The following MYRFL variants were observed in gnomAD, a reference collection of about 807,000 sequenced individuals.
MYRFL encodes the protein myelin regulatory factor like.
MYRFL carries 88 observed loss-of-function variants against 109.4 expected under a neutral mutation model. The ratio of observed to expected loss-of-function variants is 0.80; its 90% CI spans 0.68 to 0.96. The LOEUF is 0.96. MYRFL is among the 40% of genes least tolerant of loss of function. The pLI, the probability that MYRFL is intolerant of heterozygous loss-of-function variation, is 0.00. For missense variants in MYRFL, 957 were observed against 954.9 expected (o/e 1.00, Z -0.03); for synonymous variants, 324 against 320.9 (o/e 1.01, Z -0.10).
chr12:69,880,645 T>C (rs1432436997), intron 5 of MYRFL, among the ~76,000 whole-genome samples: 1 of 152,226 alleles, frequency 6.6e-6, no homozygotes, highest in East Asian at 1.9e-4. Context: ...GCTGCAATCC[T>C]TCTCAACCTT....
intron 13 of MYRFL, among the ~76,000 whole-genome samples, chr12:69,920,115 TGA>T (rs1433222652): frequency 6.6e-6 from 1 of 152,078 alleles, no homozygotes; most frequent in Admixed American, 6.5e-5. Flanking sequence ...GTGGGTGAGG[TGA>T]GAGGGAACTC....
intron 2 of MYRFL, among the ~76,000 whole-genome samples, chr12:69,876,303 A>C (rs1176846564): frequency 1.3e-5 from 2 of 152,130 alleles, no homozygotes; most frequent in Non-Finnish European, 2.9e-5. Flanking sequence ...ACCTTCTCCA[A>C]GTTTCAGTGC....
intron 5 of MYRFL, among the ~76,000 whole-genome samples, chr12:69,883,736 T>C (rs1237611744): frequency 6.8e-6 from 1 of 147,906 alleles, no homozygotes; most frequent in African/African-American, 2.5e-5. Flanking sequence ...AATTAGCCGA[T>C]GTGGTGGCAC....
At chr12:69,841,199 C>T (rs1883223705) in intron 1 of MYRFL, among the ~76,000 whole-genome samples, 1 of 152,158 alleles carries the variant, frequency 6.6e-6, no homozygotes, top group South Asian at 2.1e-4. Context: ...CAGAAGAGTA[C>T]ATGGCCCCAT....
At chr12:69,836,827 C>G (rs772027612) in intron 1 of MYRFL, among the ~76,000 whole-genome samples, 5 of 152,156 alleles carry the variant, frequency 3.3e-5, no homozygotes, top group Non-Finnish European at 7.3e-5. Flanking sequence ...TGCTCAGGAC[C>G]TGTCCTCCCC....
rs1956011207 is a variant in MYRFL at position 69,952,782 on chromosome 12, A to G, written c.2288-17A>G. On this transcript the variant is annotated splice_polypyrimidine_tract_variant and intron_variant, in intron 20 of 24. Coordinates refer to ENST00000552032, the MANE Select transcript of MYRFL (RefSeq NM_182530.3). ...TCAGAAGAGTTTATTTACTTTGTCT[A>G]TTTCTTCTCAATTCAGGGATTGATA... 1.3e-6 allele frequency: 2 copies of G among 1,485,036 alleles called. No individual in the cohort carries two copies. Among genetic ancestry groups the G allele is most frequent in the East Asian group, 2.5e-5 (1 of 40,206 alleles). The allele number at this position is 1,485,036 out of a possible 1,614,324, so 92.0% of individuals were successfully genotyped here. A position where few individuals can be genotyped will look rare whatever the true frequency, so the allele number is the denominator to read the frequency against.
chr12:69,893,450 G>A (rs1390135095), intron 7 of MYRFL, among the ~76,000 whole-genome samples: 1 of 152,140 alleles, frequency 6.6e-6, no homozygotes, highest in Non-Finnish European at 1.5e-5. Context: ...TAGAATGAAT[G>A]AATAAATAAG....
intron 1 of MYRFL, among the ~76,000 whole-genome samples, chr12:69,853,213 C>A (rs1038121138): frequency 8.6e-5 from 13 of 150,742 alleles, no homozygotes; most frequent in African/African-American, 3.2e-4. Flanking sequence ...CGGGCAGGGG[C>A]TGCCCCCTAC....
intron 19 of MYRFL, among the ~76,000 whole-genome samples, chr12:69,942,735 G>C (rs1040953952): frequency 3.5e-4 from 53 of 152,070 alleles, no homozygotes; most frequent in African/African-American, 1.2e-3. Flanking sequence ...AGGAAAAGAG[G>C]AAGTCAAATT....
chr12:69,908,395 A>G (rs1954445422), intron 11 of MYRFL, among the ~76,000 whole-genome samples: 1 of 152,238 alleles, frequency 6.6e-6, no homozygotes. Context: ...TTGGAGGTCA[A>G]GAGATCCTTC....
At chr12:69,893,156 G>T (rs376204919) in intron 7 of MYRFL, among the ~76,000 whole-genome samples, 1 of 152,158 alleles carries the variant, frequency 6.6e-6, no homozygotes, top group Non-Finnish European at 1.5e-5. Context: ...GCCACCAGTT[G>T]CTTTCTAGAA....
chr12:69,834,273 G>C (rs1327092640), intron 1 of MYRFL, among the ~76,000 whole-genome samples: 1 of 152,194 alleles, frequency 6.6e-6, no homozygotes, highest in Non-Finnish European at 1.5e-5. Context: ...GCAATAAGAA[G>C]TAATGTGTTC....
chr12:69,910,013 T>A lies in MYRFL; in HGVS notation c.1428T>A (p.Ile476=). 1 of 1,534,972 alleles carries A rather than the reference T, an allele frequency of 6.5e-7. No homozygotes were observed. The highest frequency in any genetic ancestry group is 8.7e-7 in the Non-Finnish European group (1 of 1,146,512). ...EQLKRIAQMR[I]VEYDYKPEFA... is the part of the protein sequence containing the mutation. Reference sequence around the variant, plus strand: ...TGAAAAGAATAGCCCAAATGAGAATTGTTGAATATGACTACAAACCTGAAT... The same window carrying A: ...TGAAAAGAATAGCCCAAATGAGAATAGTTGAATATGACTACAAACCTGAAT... The change falls in exon 12 of 25, where the codon ATT becomes ATA. Residue 476 remains isoleucine, a synonymous_variant. Transcript: ENST00000552032.
intron 23 of MYRFL, 31 bp downstream of exon 23, chr12:69,957,973 TGA>T (rs753877040): frequency 1.3e-6 from 2 of 1,522,344 alleles, no homozygotes; most frequent in Non-Finnish European, 1.8e-6. Flanking sequence ...TCTTCCCCGC[TGA>T]GAGAGGGATA....
intron 1 of MYRFL, among the ~76,000 whole-genome samples, chr12:69,840,661 T>C (rs1345378687): frequency 1.3e-5 from 2 of 152,226 alleles, no homozygotes; most frequent in East Asian, 1.9e-4. Context: ...AATAAAGATA[T>C]ACATTTCCTC....
intron 1 of MYRFL, among the ~76,000 whole-genome samples, chr12:69,830,735 G>C (rs1041491491): frequency 2.0e-5 from 3 of 152,054 alleles, no homozygotes; most frequent in African/African-American, 7.2e-5. Flanking sequence ...CCAAAATGAA[G>C]GTGATTTAAT....
intron 5 of MYRFL, among the ~76,000 whole-genome samples, chr12:69,882,780 A>G (rs1194788968): frequency 6.6e-6 from 1 of 152,144 alleles, no homozygotes; most frequent in African/African-American, 2.4e-5. Flanking sequence ...GGAAGGCTTC[A>G]ATCTTCTCTT....
At chr12:69,833,473 A>G (rs913495520) in intron 1 of MYRFL, among the ~76,000 whole-genome samples, 1 of 152,226 alleles carries the variant, frequency 6.6e-6, no homozygotes, top group African/African-American at 2.4e-5. Context: ...TGTGATCAGT[A>G]AGAAAACCAC....
chr12:69,936,484 C>T lies in MYRFL; in HGVS notation c.2076C>T (p.Ala692=). 2 of 1,536,036 alleles carry T rather than the reference C, an allele frequency of 1.3e-6. No homozygotes were observed. Among genetic ancestry groups the T allele is most frequent in the Non-Finnish European group, 1.7e-6 (2 of 1,146,862 alleles). The change falls in exon 19 of 25, where the codon GCC becomes GCT. Residue 692 remains alanine (A), a synonymous_variant. Coordinates refer to ENST00000552032, the MANE Select transcript of MYRFL (RefSeq NM_182530.3). ...ATACATCCCTGGTAACCACACCGGC[C>T]TCCTTACAAGTACCTGAAATTACTT... ...APNTSLVTTP[A]SLQVPEITFC...
Sources: allele counts gnomAD v4.1 joint callset (sites outside exome capture counted in the v4.1 genomes callset), GRCh38; gene constraint gnomAD v4.1.1; transcripts MANE v1.5; gene names NCBI Gene and HGNC (gene_info 2026-07-23, HGNC 2026-07-21).